HS2ST1: variants seen among roughly 807,000 people sequenced by gnomAD.
The protein encoded by HS2ST1 is heparan sulfate 2-O-sulfotransferase 1.
Under a neutral mutation model 42.9 loss-of-function variants are expected in HS2ST1, and 18 were observed. The ratio of observed to expected loss-of-function variants is 0.42; its 90% CI spans 0.29 to 0.62. HS2ST1 has a LOEUF of 0.62. Ranked by LOEUF, HS2ST1 falls within the 20% of genes least tolerant of loss-of-function variation. The pLI is 0.21. For synonymous variants in HS2ST1, 146 were observed against 152.9 expected (o/e 0.95, Z 0.33); for missense variants, 334 against 433.8 (o/e 0.77, Z 2.04).
intron 1 of HS2ST1, among the ~76,000 whole-genome samples, chr1:87,038,818 A>C (rs1458221579): frequency 6.6e-6 from 1 of 152,106 alleles, no homozygotes; most frequent in Non-Finnish European, 1.5e-5. Context: ...AGATAGATAC[A>C]GAACAAGAGA....
At chr1:87,102,891 T>A (rs533799820) in intron 5 of HS2ST1, among the ~76,000 whole-genome samples, 189 of 152,368 alleles carry the variant, frequency 1.2e-3, no homozygotes, top group Non-Finnish European at 2.1e-3. Flanking sequence ...AAGTATAGTT[T>A]ATTTTGGATC....
chr1:86,939,556 C>G (rs567572266), intron 1 of HS2ST1, among the ~76,000 whole-genome samples: 1 of 152,262 alleles, frequency 6.6e-6, no homozygotes, highest in African/African-American at 2.4e-5. Flanking sequence ...GGTTTTCGCT[C>G]TTGGCTACAT....
intron 1 of HS2ST1, among the ~76,000 whole-genome samples, chr1:86,975,717 C>G (rs1257271447): frequency 6.6e-6 from 1 of 152,020 alleles, no homozygotes; most frequent in Non-Finnish European, 1.5e-5. Flanking sequence ...TTACCAAATG[C>G]TATGATATGC....
chr1:86,947,298 A>G (rs549675568), intron 1 of HS2ST1, among the ~76,000 whole-genome samples: 18 of 152,372 alleles, frequency 1.2e-4, no homozygotes, highest in African/African-American at 3.6e-4. Context: ...GTCTCCTAAT[A>G]GGCATTATAT....
chr1:87,066,639 T>C (rs1475501122), intron 1 of HS2ST1, among the ~76,000 whole-genome samples: 2 of 152,124 alleles, frequency 1.3e-5, no homozygotes, highest in Non-Finnish European at 2.9e-5. Context: ...GTTTGTTACA[T>C]AGGTATACCT....
intron 1 of HS2ST1, among the ~76,000 whole-genome samples, chr1:86,952,526 G>A (rs537907815): frequency 2.9e-4 from 44 of 152,240 alleles, no homozygotes; most frequent in Non-Finnish European, 5.6e-4. Context: ...GCATGAGCCA[G>A]CATGCCCAGC....
chr1:86,983,444 A>C (rs1295515971), intron 1 of HS2ST1, among the ~76,000 whole-genome samples: 1 of 152,086 alleles, frequency 6.6e-6, no homozygotes, highest in Non-Finnish European at 1.5e-5. Context: ...CTTTTTAACT[A>C]TCAGATCTTG....
intron 1 of HS2ST1, among the ~76,000 whole-genome samples, chr1:86,962,978 C>G (rs988251710): frequency 6.6e-6 from 1 of 151,860 alleles, no homozygotes; most frequent in Non-Finnish European, 1.5e-5. Flanking sequence ...GTCTTCAACC[C>G]CTAGAAAAAG....
At position 87,024,385 on chromosome 1, in the gene HS2ST1, C is replaced by T. The variant is rs149650517; in HGVS notation, c.125-48549C>T. On this transcript the variant is annotated intron_variant, in intron 1 of 6. Coordinates refer to ENST00000370550, the MANE Select transcript of HS2ST1 (RefSeq NM_012262.4). The stretch of plus-strand genomic sequence containing the variant: ...GCGTGGTGGTGCACGACTGTAATCC[C>T]AGCTAATCAGGAGGCTGAGGCAGGA... 2.1e-3 allele frequency among the ~76,000 whole-genome samples: 324 copies of T among 151,966 alleles called. 1 individual carries two copies. Among genetic ancestry groups the T allele is most frequent in the African/African-American group, 7.6e-3 (317 of 41,466 alleles).
chr1:87,051,238 C>T (rs957997936), intron 1 of HS2ST1, among the ~76,000 whole-genome samples: 6 of 151,152 alleles, frequency 4.0e-5, no homozygotes, highest in African/African-American at 1.2e-4. Context: ...TTTCAGTTTT[C>T]GTGGTTTGAT....
intron 1 of HS2ST1, among the ~76,000 whole-genome samples, chr1:86,930,185 C>T (rs1344580806): frequency 6.6e-6 from 1 of 151,734 alleles, no homozygotes; most frequent in African/African-American, 2.4e-5. Context: ...TAACATGTAG[C>T]TGTTGTGTAC....
Position 87,104,512 on chromosome 1 carries a change from C to T in HS2ST1, c.887C>T (p.Pro296Leu). 1 of 1,613,268 alleles carries T rather than the reference C, an allele frequency of 6.2e-7. No individual in the cohort carries two copies. Among genetic ancestry groups the T allele is most frequent in the Non-Finnish European group, 8.5e-7 (1 of 1,179,388 alleles). Residue 296 changes from proline (P) to leucine (L), a missense_variant, in exon 7 of 7, where the codon CCC (proline) becomes CTC (leucine). Physicochemically the swap from Pro to Leu is moderately conservative, Grantham distance 98. Transcript: ENST00000370550. Reference protein sequence around the residue: ...HLRKTTEKKLPTKQTIAKLQQ... With the variant: ...HLRKTTEKKLLTKQTIAKLQQ... ...AGGAAAACCACAGAGAAGAAACTCC[C>T]CACTAAACAAACCATTGCAAAACTA...
chr1:87,008,026 T>G (rs986367266), intron 1 of HS2ST1, among the ~76,000 whole-genome samples: 15 of 152,286 alleles, frequency 9.8e-5, no homozygotes, highest in African/African-American at 2.6e-4. Flanking sequence ...TAATTTTAAA[T>G]TGTAGCATAT....
intron 1 of HS2ST1, among the ~76,000 whole-genome samples, chr1:87,063,451 C>T (rs954241423): frequency 4.6e-5 from 7 of 152,166 alleles, no homozygotes; most frequent in Non-Finnish European, 1.0e-4. Context: ...ATTCTCCTGC[C>T]TCATCCTCCT....
chr1:86,945,442 C>T (rs1647301437), intron 1 of HS2ST1, among the ~76,000 whole-genome samples: 1 of 152,086 alleles, frequency 6.6e-6, no homozygotes, highest in Admixed American at 6.5e-5. Flanking sequence ...TTTTGTGTGG[C>T]AGATATTATT....
chr1:86,996,378 GT>G (rs1271267741), intron 1 of HS2ST1, among the ~76,000 whole-genome samples: 2 of 149,740 alleles, frequency 1.3e-5, no homozygotes, highest in Non-Finnish European at 3.0e-5. Context: ...GGAGGCAGAG[GT>G]TGTGGTGAAT....
At chr1:86,982,232 G>T (rs2102221318) in intron 1 of HS2ST1, among the ~76,000 whole-genome samples, 1 of 152,262 alleles carries the variant, frequency 6.6e-6, no homozygotes, top group South Asian at 2.1e-4. Flanking sequence ...TTCCTTCTTA[G>T]GCCTCTGGGC....
intron 1 of HS2ST1, among the ~76,000 whole-genome samples, chr1:86,922,419 TTGTGTGTGTG>T (rs150775849): frequency 1.4e-5 from 2 of 147,742 alleles, no homozygotes; most frequent in Non-Finnish European, 3.0e-5. Context: ...GTTCTTCATT[TTGTGTGTGTG>T]TGTGTGTGTG....
chr1:86,989,425 C>A (rs1648880378), intron 1 of HS2ST1, among the ~76,000 whole-genome samples: 1 of 152,158 alleles, frequency 6.6e-6, no homozygotes, highest in African/African-American at 2.4e-5. Context: ...TTTGCAGATT[C>A]AATTTTTTTA....
Sources: allele counts gnomAD v4.1 joint callset (sites outside exome capture counted in the v4.1 genomes callset), GRCh38; gene constraint gnomAD v4.1.1; transcripts MANE v1.5; gene names NCBI Gene and HGNC (gene_info 2026-07-23, HGNC 2026-07-21).